Variants in NUP210 observed in about 807,000 individuals in gnomAD.
The protein encoded by NUP210 is nucleoporin 210.
In NUP210, 151 loss-of-function variants were observed where a neutral mutation model predicts 196.0. The ratio of observed to expected loss-of-function variants is 0.77; its 90% CI spans 0.67 to 0.88. NUP210 has a LOEUF of 0.88. Among genes scored for constraint, NUP210 ranks in the 40% least tolerant of loss-of-function variants. NUP210 has a pLI of 0.00. For missense variants in NUP210, 2,314 were observed against 2,493.7 expected, an observed-to-expected ratio of 0.93 and a Z score of 1.53; for synonymous variants, 1,070 against 1,052.7, an observed-to-expected ratio of 1.02 and a Z score of -0.32.
At chr3:13,343,363 C>A (rs1301437320) in intron 20 of NUP210, 60 bp from the exon 21 acceptor site, 12 of 1,577,130 alleles carry the variant, frequency 7.6e-6, no homozygotes, top group Non-Finnish European at 1.0e-5. Flanking sequence ...GCAGGGCCCC[C>A]CTCTGCTCAG....
intron 11 of NUP210, among the ~76,000 whole-genome samples, chr3:13,374,259 C>A (rs1330476509): frequency 6.6e-6 from 1 of 152,214 alleles, no homozygotes; most frequent in East Asian, 1.9e-4. Context: ...CTTTCACCCA[C>A]TCACCATTCG....
intron 13 of NUP210, among the ~76,000 whole-genome samples, chr3:13,369,720 C>A (rs1333891927): frequency 6.6e-6 from 1 of 152,188 alleles, no homozygotes; most frequent in Non-Finnish European, 1.5e-5. Context: ...AATCATTTCA[C>A]CATGTACGAG....
intron 18 of NUP210, 84 bp from the exon 19 acceptor site, chr3:13,352,268 G>A (rs1055659860): frequency 4.4e-5 from 43 of 988,288 alleles, no homozygotes; most frequent in Non-Finnish European, 6.7e-5. Context: ...AAGCCCTAGG[G>A]CCTGGCCTTG....
chr3:13,353,811 T>G (rs1000166197), intron 17 of NUP210, 104 bp downstream of exon 17: 24 of 1,260,386 alleles, frequency 1.9e-5, no homozygotes, highest in Non-Finnish European at 2.7e-5. Context: ...TAACAGGATC[T>G]AAGCACAGAT....
At chr3:13,401,875 T>C (rs986034522) in intron 1 of NUP210, among the ~76,000 whole-genome samples, 5 of 151,290 alleles carry the variant, frequency 3.3e-5, no homozygotes, top group Non-Finnish European at 7.4e-5. Flanking sequence ...AATTTTGCCA[T>C]AAACCTAAAA....
Position 13,330,768 on chromosome 3 carries a change from G to A in NUP210, c.3936-134C>T, listed in dbSNP as rs577904584. ...AAAAAAGGCCCAATCTTGGCCCCAC[G>A]GACCTCAGGACCACGTGCCGTCAGT... On this transcript the variant is annotated intron_variant, in intron 29 of 39. Coordinates refer to ENST00000254508, the MANE Select transcript of NUP210 (RefSeq NM_024923.4). 623 of 737,886 alleles carry A rather than the reference G, an allele frequency of 8.4e-4. 4 individuals are homozygous for A. In the African/African-American group the frequency reaches 0.01, roughly 12 times the overall value. 45.7% of individuals were successfully genotyped at this position (737,886 alleles called of 1,614,324 possible). A position where few individuals can be genotyped will look rare whatever the true frequency, so the allele number is the denominator to read the frequency against.
Position 13,340,341 on chromosome 3 carries a change from C to G in NUP210, c.3229-43G>C, listed in dbSNP as rs755795767. 2.4e-5 allele frequency: 37 copies of G among 1,559,150 alleles called. No individual in the cohort carries two copies. The Admixed American group carries it at 6.2e-4, about 26-fold the overall frequency. On this transcript the variant is annotated intron_variant, in intron 23 of 39. Transcript: ENST00000254508. The surrounding 1 kb of genome is among the most constrained non-coding windows in gnomAD (Gnocchi z 4.0). ...AGAGAAAGGACTACTGTGCCCCAAG[C>G]CCATGGCGCCAAGCATAACTCACAC... is the stretch of plus-strand genomic sequence containing the variant.
intron 20 of NUP210, among the ~76,000 whole-genome samples, chr3:13,344,327 C>T (rs966532187): frequency 4.6e-5 from 7 of 152,188 alleles, no homozygotes; most frequent in Non-Finnish European, 7.3e-5. Context: ...ACTACTTAGG[C>T]GCATATTTCA....
At position 13,388,325 on chromosome 3, in the gene NUP210, C is replaced by G; in HGVS notation, c.662G>C (p.Arg221Pro). The G allele has an allele frequency of 6.2e-7, 1 of 1,609,290 alleles. No homozygotes were observed. The highest frequency in any genetic ancestry group is 8.5e-7 in the Non-Finnish European group (1 of 1,178,038). The change falls in exon 5 of 40, where the codon CGC (arginine) becomes CCC (proline). Residue 221 changes from arginine to proline, a missense_variant. Arg to Pro is a moderately radical substitution (Grantham distance 103, BLOSUM62 -2). Transcript: ENST00000254508. Reference sequence around the variant, plus strand: ...CACCTTGTAGACAGCCTCCTGGATGCGAGCCTTGAGCTTGGAGCTCCCGGT... The same window carrying G: ...CACCTTGTAGACAGCCTCCTGGATGGGAGCCTTGAGCTTGGAGCTCCCGGT... ...MKTGSSKLKA[R>P]IQEAVYKNVR... is the part of the protein sequence containing the mutation.
At chr3:13,343,343 T>TGGGGGGGGGGGGGGGGGGGGGGA in intron 20 of NUP210, 40 bp from the exon 21 acceptor site, 2 of 996,932 alleles carry the variant, frequency 2.0e-6, no homozygotes, top group Non-Finnish European at 3.1e-6. Flanking sequence ...GGGTGGTGGG[T>TGGGGGGGGGGGGGGGGGGGGGGA]TACGCAGCTG....
rs182393880 is a variant in NUP210 at position 13,366,520 on chromosome 3, T to C, written c.1787-429A>G. Among the ~76,000 whole-genome samples, 1,327 of 146,154 alleles carry C rather than the reference T, an allele frequency of 9.1e-3. 22 individuals are homozygous for C. The highest frequency in any genetic ancestry group is 0.031 in the African/African-American group (1,247 of 40,020). ...GATCCTTGATCTGATTTCTTTCTTT[T>C]TTTTTTTTTTTTTTTGAGATAGAGT... On this transcript the variant is annotated intron_variant, in intron 13 of 39. Transcript: ENST00000254508.
intron 4 of NUP210, 30 bp from the exon 5 acceptor site, chr3:13,388,483 T>C (rs1449256316): frequency 1.3e-6 from 2 of 1,578,346 alleles, no homozygotes; most frequent in South Asian, 1.2e-5. Context: ...TCAAAGTTTG[T>C]TGATCAAACC....
rs1180200192 is a variant in NUP210, at chr3:13,321,619, A to T, written c.5132T>A (p.Val1711Asp). The change falls in exon 36 of 40, where the codon GTC becomes GAC. Residue 1711 changes from valine to aspartate, a missense_variant. Coordinates refer to ENST00000254508, the MANE Select transcript of NUP210 (RefSeq NM_024923.4). ...SNHYTSSEIRVFGAPEVLENL... is the reference protein window; with the variant it reads ...SNHYTSSEIRDFGAPEVLENL... The stretch of plus-strand genomic sequence containing the variant: ...CTCCAGAACCTCCGGGGCACCAAAG[A>T]CCCTGATCTCGGAACTGGTGTAGTG... 7 of 1,613,938 alleles carry T rather than the reference A, an allele frequency of 4.3e-6. No homozygotes were observed. The highest frequency in any genetic ancestry group is 5.9e-6 in the Non-Finnish European group (7 of 1,179,972).
chr3:13,379,854 T>C lies in NUP210; in HGVS notation c.818-133A>G, dbSNP rs1559337544. On this transcript the variant is annotated intron_variant, in intron 6 of 39. Coordinates refer to ENST00000254508, the MANE Select transcript of NUP210 (RefSeq NM_024923.4). This position sits in a 1 kb window ranked among gnomAD's most constrained non-coding sequence, Gnocchi z 4.2. ...AGTACAGCTGACGCATTTTCTTAAT[T>C]GTTTTCAGTGCTTTAAATGTTAATA... The C allele has an allele frequency of 4.5e-6, 3 of 673,280 alleles. No homozygotes were observed. Among genetic ancestry groups the C allele is most frequent in the Non-Finnish European group, 7.0e-6 (3 of 426,976 alleles). 41.7% of individuals were successfully genotyped at this position (673,280 alleles called of 1,614,324 possible).
intron 3 of NUP210, among the ~76,000 whole-genome samples, 189 bp downstream of exon 3, chr3:13,397,168 C>A (rs1039385010): frequency 6.6e-6 from 1 of 152,146 alleles, no homozygotes; most frequent in Admixed American, 6.5e-5. Context: ...TTGAGGCCCA[C>A]CTCAGAGGTG....
chr3:13,366,099 A>C lies in NUP210; in HGVS notation c.1787-8T>G. 1 of 1,612,688 alleles carries C rather than the reference A, an allele frequency of 6.2e-7. No individual in the cohort carries two copies. Among genetic ancestry groups the C allele is most frequent in the Non-Finnish European group, 8.5e-7 (1 of 1,179,336 alleles). On this transcript the variant is annotated splice_polypyrimidine_tract_variant and splice_region_variant and intron_variant, in intron 13 of 39. Coordinates refer to ENST00000254508, the MANE Select transcript of NUP210 (RefSeq NM_024923.4). ...AGCCTGGCGGCAGCCTCCCTACAGAAAGGAGAGAACTAGATGGTCACCCTG... is the reference window on the plus strand; with the variant it reads ...AGCCTGGCGGCAGCCTCCCTACAGACAGGAGAGAACTAGATGGTCACCCTG...
At chr3:13,412,796 C>T (rs902023890) in intron 1 of NUP210, among the ~76,000 whole-genome samples, 2 of 151,464 alleles carry the variant, frequency 1.3e-5, no homozygotes, top group African/African-American at 4.9e-5. Flanking sequence ...ATGGTGAAAC[C>T]CCGTCTCTAC....
In NUP210 at chr3:13,352,071, G is replaced by A. The variant is rs1317130105; in HGVS notation, c.2733+9C>T. 2 of 1,612,354 alleles carry A rather than the reference G, an allele frequency of 1.2e-6. No homozygotes were observed. Among genetic ancestry groups the A allele is most frequent in the Admixed American group, 1.7e-5 (1 of 59,988 alleles). On this transcript the variant is annotated intron_variant, in intron 19 of 39. Transcript: ENST00000254508. Reference sequence around the variant, plus strand: ...CTTGCCCAGGAAGGTGGCAGGGCAAGGACTGTACCTGGATGCCAGGGTGGT... The same window carrying A: ...CTTGCCCAGGAAGGTGGCAGGGCAAAGACTGTACCTGGATGCCAGGGTGGT...
At chr3:13,411,751 T>C (rs1700180634) in intron 1 of NUP210, among the ~76,000 whole-genome samples, 1 of 152,226 alleles carries the variant, frequency 6.6e-6, no homozygotes, top group Admixed American at 6.5e-5. Context: ...TTTACTTATT[T>C]ATTTATTTGA....
Sources: gnomAD v4.1 joint callset for allele counts (sites outside exome capture counted in the v4.1 genomes callset) on GRCh38, gnomAD v4.1.1 for gene constraint, Gnocchi (gnomAD v3.1) non-coding constraint, MANE v1.5 for transcripts, NCBI Gene and HGNC (gene_info 2026-07-23, HGNC 2026-07-21) for gene names.